Variants in PARP9 observed in about 807,000 individuals in gnomAD.
PARP9 encodes the protein poly(ADP-ribose) polymerase family member 9, also known as protein mono-ADP-ribosyltransferase PARP9.
In PARP9, 48 loss-of-function variants were observed where a neutral mutation model predicts 68.8. That is an observed-to-expected ratio of 0.70 (90% CI 0.55 to 0.89). The LOEUF is 0.89. PARP9 is among the 40% of genes least tolerant of loss of function. The pLI, the probability that PARP9 is intolerant of heterozygous loss-of-function variation, is 0.00. For synonymous variants in PARP9, 309 were observed against 333.8 expected, an observed-to-expected ratio of 0.93 and a Z score of 0.81; for missense variants, 806 against 969.3, an observed-to-expected ratio of 0.83 and a Z score of 2.24.
chr3:122,560,364 G>A (rs970707009), intron 1 of PARP9, among the ~76,000 whole-genome samples: 6 of 152,012 alleles, frequency 3.9e-5, no homozygotes, highest in African/African-American at 1.4e-4. Context: ...TTTAGGCCTC[G>A]AAATGATTTC....
chr3:122,533,796 GA>G, intron 10 of PARP9: 1 of 985,308 alleles, frequency 1.0e-6, no homozygotes, highest in Non-Finnish European at 1.2e-6. Context: ...AACATAAATA[GA>G]AAAAAGAAAA....
chr3:122,552,331 A>C, intron 5 of PARP9, 87 bp downstream of exon 5: 1 of 995,684 alleles, frequency 1.0e-6, no homozygotes, highest in Non-Finnish European at 1.5e-6. Context: ...TATTTCATGA[A>C]TGTAATGAAA....
chr3:122,564,384 A>G, upstream of PARP9: 1 of 1,572,474 alleles, frequency 6.4e-7, no homozygotes, highest in Non-Finnish European at 8.6e-7. Flanking sequence ...TTTACCGCCC[A>G]GCTGCCTCCC....
chr3:122,563,955 G>A (rs1045323851), intron 1 of PARP9, among the ~76,000 whole-genome samples: 1 of 152,108 alleles, frequency 6.6e-6, no homozygotes, highest in Non-Finnish European at 1.5e-5. Context: ...AGGGAGGGAA[G>A]GGGTAACAGG....
intron 10 of PARP9, chr3:122,533,627 AG>A (rs1167881639): frequency 1.1e-6 from 1 of 909,750 alleles, no homozygotes; most frequent in African/African-American, 1.8e-5. Context: ...CTCTATTTCT[AG>A]TACCCCTAGC....
In PARP9 at chr3:122,545,373, G is replaced by A. The variant is rs2078623031; in HGVS notation, c.1384+59C>T. 2.9e-5 allele frequency: 44 copies of A among 1,535,780 alleles called. No individual in the cohort carries two copies. The South Asian group carries it at 4.9e-4, about 17-fold the overall frequency. On this transcript the variant is annotated intron_variant, in intron 7 of 10. Coordinates refer to ENST00000682323, the MANE Select transcript of PARP9 (RefSeq NM_001146105.2). ...CCCCTCCGTTAGTTCAGATGATCAA[G>A]AATAGAATGAGCCAATGGTGGGCGA... is the stretch of plus-strand genomic sequence containing the variant.
chr3:122,559,972 A>G (rs2080047715), intron 1 of PARP9, among the ~76,000 whole-genome samples: 1 of 152,206 alleles, frequency 6.6e-6, no homozygotes, highest in African/African-American at 2.4e-5. Context: ...TATATGGAGG[A>G]GTTGAGACTA....
chr3:122,533,742 A>G, intron 10 of PARP9: 4 of 985,436 alleles, frequency 4.1e-6, no homozygotes. Context: ...GCACTCAACC[A>G]AGTCCTACAA....
Position 122,564,268 on chromosome 3 carries a change from C to G in PARP9, c.-113G>C. ...ACCCGGCAGGCCGCTCTCCTCGGTGCAGACAGCACAGGGAGGAGGGGGAAG... is the reference window on the plus strand; with the variant it reads ...ACCCGGCAGGCCGCTCTCCTCGGTGGAGACAGCACAGGGAGGAGGGGGAAG... On this transcript the variant is annotated 5_prime_UTR_variant, in exon 1 of 11. Coordinates refer to ENST00000682323, the MANE Select transcript of PARP9 (RefSeq NM_001146105.2). The G allele has an allele frequency of 1.1e-6, 1 of 899,192 alleles. No homozygotes were observed. The highest frequency in any genetic ancestry group is 3.2e-5 in the Admixed American group (1 of 31,204). The allele number at this position is 899,192 out of a possible 1,614,324, so 55.7% of individuals were successfully genotyped here. A position where few individuals can be genotyped will look rare whatever the true frequency, so the allele number is the denominator to read the frequency against.
intron 6 of PARP9, among the ~76,000 whole-genome samples, chr3:122,550,309 C>T (rs62263866): frequency 0.014 from 2,077 of 152,206 alleles, 25 homozygotes; most frequent in Non-Finnish European, 0.021. Context: ...GAACTCCCGA[C>T]CTCAGGTGAT....
intron 7 of PARP9, among the ~76,000 whole-genome samples, chr3:122,541,194 A>C (rs1176595323): frequency 1.3e-5 from 2 of 152,194 alleles, no homozygotes; most frequent in Admixed American, 1.3e-4. Flanking sequence ...CCGGCCGACT[A>C]GTGGGTTTTA....
rs778145159 is a variant in PARP9, at chr3:122,555,887, T to C, written c.284A>G (p.His95Arg). Reference protein sequence around the residue: ...LSVWKDDLTTHAVDAVVNAAN... With the variant: ...LSVWKDDLTTRAVDAVVNAAN... ...TGCATTCACCACAGCATCAACAGCA[T>C]GTGTGGTGAGGTCATCTTTCCAGAC... The change falls in exon 4 of 11, where the codon CAT becomes CGT. Residue 95 changes from histidine to arginine, a missense_variant. His to Arg is a conservative substitution (Grantham distance 29). This residue lies in a region of PARP9 where 126 missense variants were observed against 110.5 expected (regional missense o/e 1.14). Coordinates refer to ENST00000682323, the MANE Select transcript of PARP9 (RefSeq NM_001146105.2). The C allele has an allele frequency of 6.2e-7, 1 of 1,614,028 alleles. No homozygotes were observed. The highest frequency in any genetic ancestry group is 8.5e-7 in the Non-Finnish European group (1 of 1,179,972).
intron 6 of PARP9, among the ~76,000 whole-genome samples, chr3:122,548,386 A>G (rs1302747563): frequency 6.6e-6 from 1 of 152,232 alleles, no homozygotes; most frequent in Non-Finnish European, 1.5e-5. Context: ...AAGGCCCTCT[A>G]TATCCAAAAT....
chr3:122,562,163 C>G (rs1262895308), intron 1 of PARP9, among the ~76,000 whole-genome samples: 1 of 56,874 alleles, frequency 1.8e-5, no homozygotes, highest in Admixed American at 1.5e-4. Flanking sequence ...ATACTCTTTT[C>G]TTTTCTTTTC....
At chr3:122,558,331 G>A in intron 3 of PARP9, 103 bp downstream of exon 3, 2 of 1,613,990 alleles carry the variant, frequency 1.2e-6, no homozygotes, top group Non-Finnish European at 1.7e-6. Flanking sequence ...TCACGCACCT[G>A]AGCACTTGTA....
At chr3:122,556,578 T>C (rs79059533) in intron 3 of PARP9, among the ~76,000 whole-genome samples, 4,341 of 152,338 alleles carry the variant, frequency 0.028, 91 homozygotes, top group Non-Finnish European at 0.045. Context: ...TCTAAGTTTA[T>C]GTTTTCTTAA....
chr3:122,537,208 G>A, intron 8 of PARP9, 135 bp from the exon 9 acceptor site: 1 of 870,084 alleles, frequency 1.1e-6, no homozygotes, highest in Non-Finnish European at 1.7e-6. Context: ...TTTAGGACAT[G>A]CGAGGAGAGC....
chr3:122,532,691 G>A (rs2077390333), intron 10 of PARP9: 1 of 152,768 alleles, frequency 6.5e-6, no homozygotes, highest in South Asian at 2.1e-4. Flanking sequence ...GAGCACAGAG[G>A]AGGAAGATAC....
At chr3:122,547,997 C>T (rs1303196259) in intron 6 of PARP9, among the ~76,000 whole-genome samples, 1 of 152,202 alleles carries the variant, frequency 6.6e-6, no homozygotes, top group Non-Finnish European at 1.5e-5. Context: ...TGAGCTACTT[C>T]CTTGGGTCAT....
Sources: gnomAD v4.1 joint callset for allele counts (sites outside exome capture counted in the v4.1 genomes callset) on GRCh38, gnomAD v4.1.1 for gene constraint, gnomAD v4.1.1 regional missense constraint, MANE v1.5 for transcripts, NCBI Gene and HGNC (gene_info 2026-07-23, HGNC 2026-07-21) for gene names.